The following MTBP variants were observed in gnomAD, a reference collection of about 807,000 sequenced individuals.
MTBP encodes the protein mdm2-binding protein.
MTBP carries 101 observed loss-of-function variants against 117.0 expected under a neutral mutation model. That is an observed-to-expected ratio of 0.86 (90% CI 0.73 to 1.02). MTBP has a LOEUF of 1.02. Among genes scored for constraint, MTBP ranks in the 50% least tolerant of loss-of-function variants. The probability of loss-of-function intolerance (pLI) is 0.00; values close to 1 mark genes in which losing one functional copy is unlikely to be tolerated. For missense variants in MTBP, 970 were observed against 1,030.9 expected, an observed-to-expected ratio of 0.94 and a Z score of 0.81; for synonymous variants, 350 against 351.5, an observed-to-expected ratio of 1.00 and a Z score of 0.05.
chr8:120,481,156 T>A (rs1226904948), intron 11 of MTBP, among the ~76,000 whole-genome samples: 1 of 152,184 alleles, frequency 6.6e-6, no homozygotes, highest in East Asian at 1.9e-4. Flanking sequence ...CTCACTAGAA[T>A]GGCTGTAATT....
intron 11 of MTBP, 94 bp downstream of exon 11, chr8:120,471,031 C>A: frequency 1.2e-6 from 1 of 861,056 alleles, no homozygotes; most frequent in Non-Finnish European, 1.8e-6. Context: ...TATGAGAAAA[C>A]AGGATTTCAT....
intron 16 of MTBP, 75 bp from the exon 17 acceptor site, chr8:120,509,859 C>A: frequency 1.0e-6 from 1 of 988,112 alleles, no homozygotes; most frequent in Non-Finnish European, 1.5e-6. Context: ...AGATTTGTTT[C>A]ATTAGATACT....
At chr8:120,457,478 C>A (rs1436281746) in intron 7 of MTBP, among the ~76,000 whole-genome samples, 1 of 152,082 alleles carries the variant, frequency 6.6e-6, no homozygotes, top group Non-Finnish European at 1.5e-5. Context: ...TTTTAATTCA[C>A]CCTTAATAAT....
intron 12 of MTBP, 36 bp from the exon 13 acceptor site, chr8:120,490,427 C>T: frequency 7.5e-7 from 1 of 1,340,668 alleles, no homozygotes; most frequent in Non-Finnish European, 1.1e-6. Flanking sequence ...CAAAGGGCAT[C>T]ATTAATGTTG....
At chr8:120,509,512 G>C (rs144077907) in intron 16 of MTBP, among the ~76,000 whole-genome samples, 1 of 152,152 alleles carries the variant, frequency 6.6e-6, no homozygotes, top group African/African-American at 2.4e-5. Flanking sequence ...TGAGGCAGGA[G>C]AATCGCTTGA....
Position 120,456,541 on chromosome 8 carries a change from T to C in MTBP, c.630-12T>C. 1 of 1,335,010 alleles carries C rather than the reference T, an allele frequency of 7.5e-7. No individual in the cohort carries two copies. The highest frequency in any genetic ancestry group is 1.1e-6 in the Non-Finnish European group (1 of 945,474). The allele number at this position is 1,335,010 out of a possible 1,614,324, so 82.7% of individuals were successfully genotyped here. ...AACCCTGTGTTTAATTGTTGTAATC[T>C]TTTTTTTATAGAAACTGTCAGAAAA... On this transcript the variant is annotated splice_polypyrimidine_tract_variant and intron_variant, in intron 6 of 21. Coordinates refer to ENST00000305949, the MANE Select transcript of MTBP (RefSeq NM_022045.5).
intron 14 of MTBP, among the ~76,000 whole-genome samples, chr8:120,498,015 C>T (rs1311074176): frequency 3.9e-5 from 6 of 152,092 alleles, no homozygotes; most frequent in African/African-American, 7.2e-5. Context: ...GAAATCATTT[C>T]GTTATTTAGT....
rs1244711355 is a variant in MTBP, at chr8:120,454,915, A to C, written c.485-520A>C. Among the ~76,000 whole-genome samples, 7 of 152,106 alleles carry C rather than the reference A, an allele frequency of 4.6e-5. No homozygotes were observed. The East Asian group carries it at 1.3e-3, about 29-fold the overall frequency. On this transcript the variant is annotated intron_variant, in intron 5 of 21. Coordinates refer to ENST00000305949, the MANE Select transcript of MTBP (RefSeq NM_022045.5). ...AAGTTTTGTGAAGTTATTTTTTCTC[A>C]GGATCCAATGATGATGTCAGTATAA...
chr8:120,518,810 A>G lies in MTBP; in HGVS notation c.2603A>G (p.Tyr868Cys), dbSNP rs1189851872. The change falls in exon 20 of 22, where the codon TAT (tyrosine) becomes TGT (cysteine). Residue 868 changes from tyrosine (Y) to cysteine (C), a missense_variant. Coordinates refer to ENST00000305949, the MANE Select transcript of MTBP (RefSeq NM_022045.5). ...SQRLFEISKF[Y>C]LKDLKTSRGL... Reference sequence around the variant, plus strand: ...CGTCTCTTTGAAATCTCTAAGTTCTATCTAAAGGTACGGTATCTTCTCTAC... The same window carrying G: ...CGTCTCTTTGAAATCTCTAAGTTCTGTCTAAAGGTACGGTATCTTCTCTAC... The G allele has an allele frequency of 1.9e-6, 3 of 1,607,266 alleles. No homozygotes were observed. Among genetic ancestry groups the G allele is most frequent in the South Asian group, 1.1e-5 (1 of 90,574 alleles).
chr8:120,450,894 AT>A (rs1231588607), intron 2 of MTBP, 108 bp from the exon 3 acceptor site: 10 of 703,142 alleles, frequency 1.4e-5, no homozygotes, highest in Non-Finnish European at 2.3e-5. Flanking sequence ...ATGTTGGATA[AT>A]TATGTAATAT....
At chr8:120,468,132 GATT>G (rs1813737918) in intron 10 of MTBP, among the ~76,000 whole-genome samples, 1 of 151,922 alleles carries the variant, frequency 6.6e-6, no homozygotes, top group Admixed American at 6.6e-5. Flanking sequence ...TATATTTAAT[GATT>G]ATTTTCTATT....
Position 120,517,892 on chromosome 8 carries a change from C to A in MTBP, c.2288C>A (p.Thr763Lys), listed in dbSNP as rs753153021. The change falls in exon 19 of 22, where the codon ACA (threonine) becomes AAA (lysine). Residue 763 changes from threonine (T) to lysine (K), a missense_variant. Transcript: ENST00000305949. The stretch of plus-strand genomic sequence containing the variant: ...AGTTCAGAGTCTCTTCTTTCTCAGA[C>A]AACTGGTAATAGTAATCACTATCAT... ...SESSESLLSQ[T>K]TGNSNHYHHH... 20 of 1,611,120 alleles carry A rather than the reference C, an allele frequency of 1.2e-5. No individual in the cohort carries two copies. Among genetic ancestry groups the A allele is most frequent in the Admixed American group, 3.3e-5 (2 of 59,834 alleles).
chr8:120,459,485 T>A, intron 8 of MTBP, 136 bp downstream of exon 8: 1 of 810,844 alleles, frequency 1.2e-6, no homozygotes, highest in Non-Finnish European at 1.8e-6. Context: ...TATAATTAAG[T>A]ACTTAAGTTA....
chr8:120,449,713 A>G (rs1457765282), intron 2 of MTBP, among the ~76,000 whole-genome samples: 1 of 152,206 alleles, frequency 6.6e-6, no homozygotes, highest in Non-Finnish European at 1.5e-5. Flanking sequence ...AGCAGCCAGA[A>G]GGATGGGTGC....
chr8:120,462,214 G>A (rs1813595258), intron 9 of MTBP, among the ~76,000 whole-genome samples: 1 of 152,182 alleles, frequency 6.6e-6, no homozygotes, highest in Non-Finnish European at 1.5e-5. Flanking sequence ...TTAATGAAAA[G>A]TAAATTTTAG....
intron 13 of MTBP, among the ~76,000 whole-genome samples, chr8:120,494,615 A>G (rs1020407855): frequency 6.6e-6 from 1 of 152,220 alleles, no homozygotes; most frequent in African/African-American, 2.4e-5. Flanking sequence ...GGAAGATAAA[A>G]ACTTCACTTT....
At chr8:120,446,253 C>G (rs974523108) in intron 1 of MTBP, among the ~76,000 whole-genome samples, 180 bp from the exon 2 acceptor site, 1 of 152,106 alleles carries the variant, frequency 6.6e-6, no homozygotes, top group Non-Finnish European at 1.5e-5. Context: ...GATCGGGAGC[C>G]TTTTCTATTT....
At chr8:120,473,633 A>G (rs933010042) in intron 11 of MTBP, 32 of 152,240 alleles carry the variant, frequency 2.1e-4, no homozygotes, top group Admixed American at 2.0e-3. Context: ...AAAGTTTCCT[A>G]TAGGAGGAGA....
At chr8:120,468,145 T>G (rs1369174447) in intron 10 of MTBP, among the ~76,000 whole-genome samples, 1 of 152,170 alleles carries the variant, frequency 6.6e-6, no homozygotes, top group Non-Finnish European at 1.5e-5. Context: ...TATTTTCTAT[T>G]GCTAAATATT....
Sources: allele counts gnomAD v4.1 joint callset (sites outside exome capture counted in the v4.1 genomes callset), GRCh38; gene constraint gnomAD v4.1.1; transcripts MANE v1.5; gene names NCBI Gene and HGNC (gene_info 2026-07-23, HGNC 2026-07-21).